The following LYPLA1 variants were observed in gnomAD, a reference collection of about 807,000 sequenced individuals.
The protein encoded by LYPLA1 is lysophospholipase 1, also known as acyl-protein thioesterase 1.
In LYPLA1, 17 loss-of-function variants were observed where a neutral mutation model predicts 34.0. The ratio of observed to expected loss-of-function variants is 0.50; its 90% CI spans 0.34 to 0.75. LYPLA1 has a LOEUF of 0.75. LYPLA1 is among the 30% of genes least tolerant of loss of function. LYPLA1 has a pLI of 0.01. For synonymous variants in LYPLA1, 98 were observed against 100.8 expected, an observed-to-expected ratio of 0.97 and a Z score of 0.17; for missense variants, 203 against 288.8, an observed-to-expected ratio of 0.70 and a Z score of 2.15.
intron 6 of LYPLA1, chr8:54,053,649 C>T: frequency 2.2e-6 from 1 of 456,294 alleles, no homozygotes; most frequent in Admixed American, 2.3e-5. Context: ...GACCACCAGT[C>T]ACTCTCTGTG....
intron 2 of LYPLA1, among the ~76,000 whole-genome samples, chr8:54,084,968 C>T (rs1322657583): frequency 6.7e-6 from 1 of 148,996 alleles, no homozygotes; most frequent in Non-Finnish European, 1.5e-5. Flanking sequence ...AAGAATCCTC[C>T]TCTCCCTCTC....
chr8:54,062,782 G>A (rs1266732876), intron 4 of LYPLA1, among the ~76,000 whole-genome samples: 1 of 152,188 alleles, frequency 6.6e-6, no homozygotes, highest in South Asian at 2.1e-4. Context: ...AAAGTGTTGG[G>A]ATTATAGGTG....
chr8:54,076,751 T>C (rs956920467), intron 2 of LYPLA1, among the ~76,000 whole-genome samples: 3 of 152,212 alleles, frequency 2.0e-5, no homozygotes, highest in Admixed American at 2.0e-4. Context: ...TGCAGTTAAC[T>C]AGCCCAACCA....
At chr8:54,093,187 G>C (rs1809438449) in intron 2 of LYPLA1, among the ~76,000 whole-genome samples, 1 of 152,200 alleles carries the variant, frequency 6.6e-6, no homozygotes, top group South Asian at 2.1e-4. Flanking sequence ...AAGCAAGTGA[G>C]AGACCATAAG....
chr8:54,067,572 T>C (rs1437412898), intron 2 of LYPLA1, among the ~76,000 whole-genome samples: 2 of 152,186 alleles, frequency 1.3e-5, no homozygotes, highest in Non-Finnish European at 2.9e-5. Flanking sequence ...GTTATACATA[T>C]AGTTTCCTGC....
At chr8:54,063,279 T>C (rs1465312364) in intron 4 of LYPLA1, 49 bp downstream of exon 4, 1 of 1,181,274 alleles carries the variant, frequency 8.5e-7, no homozygotes, top group African/African-American at 1.6e-5. Context: ...TCTGATAACA[T>C]TAAATAAGTA....
At chr8:54,074,198 C>T (rs1011733497) in intron 2 of LYPLA1, among the ~76,000 whole-genome samples, 8 of 152,174 alleles carry the variant, frequency 5.3e-5, no homozygotes, top group Admixed American at 1.3e-4. Context: ...GGCGGGAACC[C>T]GGGAGGCAGA....
chr8:54,083,086 C>A (rs976087520), intron 2 of LYPLA1, among the ~76,000 whole-genome samples: 4 of 152,118 alleles, frequency 2.6e-5, no homozygotes, highest in Non-Finnish European at 4.4e-5. Flanking sequence ...AGAAAAAATT[C>A]TTTAAAACAT....
At chr8:54,067,391 A>C (rs955000924) in intron 2 of LYPLA1, among the ~76,000 whole-genome samples, 1 of 152,150 alleles carries the variant, frequency 6.6e-6, no homozygotes. Context: ...TCATGCGTAC[A>C]TGTTCACATA....
At chr8:54,096,363 G>C (rs1323373000) in intron 2 of LYPLA1, among the ~76,000 whole-genome samples, 1 of 152,186 alleles carries the variant, frequency 6.6e-6, no homozygotes, top group Non-Finnish European at 1.5e-5. Context: ...GAGGGACTGG[G>C]AGGCCGAAGT....
chr8:54,044,889 A>G (rs1023399090), downstream of LYPLA1: 2 of 152,236 alleles, frequency 1.3e-5, no homozygotes, highest in East Asian at 1.9e-4. Context: ...CTCTCTGGCC[A>G]CTGGAGATTG....
intron 2 of LYPLA1, among the ~76,000 whole-genome samples, chr8:54,072,258 A>G (rs1157308697): frequency 1.3e-5 from 2 of 152,226 alleles, no homozygotes; most frequent in African/African-American, 4.8e-5. Context: ...CAAGACTTAA[A>G]TGTAAAACCC....
intron 1 of LYPLA1, 41 bp from the exon 2 acceptor site, chr8:54,100,980 A>C: frequency 3.9e-6 from 6 of 1,532,320 alleles, no homozygotes; most frequent in Non-Finnish European, 4.5e-6. Flanking sequence ...TGCCTAAATA[A>C]GCCCACACAG....
Position 54,101,749 on chromosome 8 carries a change from A to T in LYPLA1, c.69+6T>A. 7.7e-7 allele frequency: 1 copy of T among 1,303,224 alleles called. No individual in the cohort carries two copies. Among genetic ancestry groups the T allele is most frequent in the Non-Finnish European group, 9.8e-7 (1 of 1,016,594 alleles). The allele number at this position is 1,303,224 out of a possible 1,614,324, so 80.7% of individuals were successfully genotyped here. ...ACCCCTCCGAGCCCACGCCTACGCC[A>T]CTCACCGCAGCGGTGGCCTTCCGGG... On this transcript the variant is annotated splice_donor_region_variant and intron_variant, in intron 1 of 8. Transcript: ENST00000316963.
Position 54,051,199 on chromosome 8 carries a change from C to A in LYPLA1, c.463-11G>T, listed in dbSNP as rs1311188635. 3 of 1,576,920 alleles carry A rather than the reference C, an allele frequency of 1.9e-6. No individual in the cohort carries two copies. The highest frequency in any genetic ancestry group is 1.7e-6 in the Non-Finnish European group (2 of 1,161,154). On this transcript the variant is annotated splice_polypyrimidine_tract_variant and intron_variant, in intron 7 of 8. Transcript: ENST00000316963. ...ACCACCGATAGGACCCTGCAAAAAG[C>A]AAAAGAAGAAATAGTTTTATTTTTG...
chr8:54,062,071 G>C (rs1806674405), intron 5 of LYPLA1, among the ~76,000 whole-genome samples, 183 bp downstream of exon 5: 1 of 152,070 alleles, frequency 6.6e-6, no homozygotes, highest in Non-Finnish European at 1.5e-5. Context: ...TGGCCAAGCT[G>C]GTCTTGAACT....
At chr8:54,068,283 C>T (rs1390788194) in intron 2 of LYPLA1, among the ~76,000 whole-genome samples, 5 of 152,034 alleles carry the variant, frequency 3.3e-5, no homozygotes, top group South Asian at 2.1e-4. Context: ...ATTTTAAAGA[C>T]GGCAGTACTC....
chr8:54,087,419 A>T (rs2129358828), intron 2 of LYPLA1, among the ~76,000 whole-genome samples: 1 of 152,206 alleles, frequency 6.6e-6, no homozygotes, highest in Admixed American at 6.5e-5. Flanking sequence ...AATCGCTGGA[A>T]CCCAGGGGAG....
At chr8:54,060,403 G>A (rs992881862) in intron 5 of LYPLA1, among the ~76,000 whole-genome samples, 2 of 152,118 alleles carry the variant, frequency 1.3e-5, no homozygotes, top group African/African-American at 2.4e-5. Flanking sequence ...GGGATTACAG[G>A]TGTGAGCCAC....
Sources: gnomAD v4.1 joint callset for allele counts (sites outside exome capture counted in the v4.1 genomes callset) on GRCh38, gnomAD v4.1.1 for gene constraint, MANE v1.5 for transcripts, NCBI Gene and HGNC (gene_info 2026-07-23, HGNC 2026-07-21) for gene names.